GBP7: variants seen among roughly 807,000 people sequenced by gnomAD.
GBP7 encodes guanylate binding protein 7.
Under a neutral mutation model 61.3 loss-of-function variants are expected in GBP7, and 43 were observed. The observed-to-expected ratio is 0.70, with a 90% CI of 0.55 to 0.91. The LOEUF is 0.91. GBP7 is among the 40% of genes least tolerant of loss of function. GBP7 has a pLI of 0.00. For missense variants in GBP7, 717 were observed against 740.5 expected (o/e 0.97, Z 0.37); for synonymous variants, 267 against 271.0 (o/e 0.99, Z 0.14).
At chr1:89,140,509 T>C (rs948882292) in intron 9 of GBP7, among the ~76,000 whole-genome samples, 1 of 149,670 alleles carries the variant, frequency 6.7e-6, no homozygotes, top group Non-Finnish European at 1.5e-5. Context: ...TATCATCTCA[T>C]ACCAGTCAGA....
At position 89,157,810 on chromosome 1, in the gene GBP7, A is replaced by G. The variant is rs187270001; in HGVS notation, c.319-5033T>C. ...AGGAGCTGGTACCATTCTTTCTGAA[A>G]CTATTCCAATCAGTAGAAAAACAGT... On this transcript the variant is annotated intron_variant, in intron 3 of 10. Coordinates refer to ENST00000294671, the MANE Select transcript of GBP7 (RefSeq NM_207398.3). Among the ~76,000 whole-genome samples, 365 of 152,310 alleles carry G rather than the reference A, an allele frequency of 2.4e-3. 1 individual carries two copies. Among genetic ancestry groups the G allele is most frequent in the African/African-American group, 8.4e-3 (351 of 41,574 alleles).
intron 9 of GBP7, among the ~76,000 whole-genome samples, chr1:89,135,129 C>G (rs80240537): frequency 0.011 from 1,681 of 151,954 alleles, 33 homozygotes; most frequent in African/African-American, 0.038. Context: ...TTCAAATCAA[C>G]TTAGTCAAAC....
intron 6 of GBP7, 91 bp downstream of exon 6, chr1:89,150,239 C>T: frequency 8.3e-7 from 1 of 1,208,292 alleles, no homozygotes; most frequent in South Asian, 1.4e-5. Flanking sequence ...ATGTTATCTC[C>T]TTACCAGTTG....
At chr1:89,172,191 A>C (rs1647624496) in intron 1 of GBP7, among the ~76,000 whole-genome samples, 2 of 152,250 alleles carry the variant, frequency 1.3e-5, no homozygotes, top group South Asian at 4.1e-4. Flanking sequence ...CCCATACACC[A>C]CTTCCCTGGC....
At chr1:89,164,620 T>A (rs910794304) in intron 3 of GBP7, 111 bp downstream of exon 3, 23 of 1,078,728 alleles carry the variant, frequency 2.1e-5, no homozygotes, top group Non-Finnish European at 3.0e-5. Flanking sequence ...TTGTTTCCCA[T>A]AATCAGATTT....
chr1:89,165,008 T>C, intron 2 of GBP7, 150 bp from the exon 3 acceptor site: 1 of 743,182 alleles, frequency 1.3e-6, no homozygotes, highest in Non-Finnish European at 2.1e-6. Flanking sequence ...AATCTTTATT[T>C]GTATAAATGA....
rs2100631580 is a variant in GBP7 at position 89,131,967 on chromosome 1, A to G, written c.*182T>C. 2.1e-6 allele frequency: 1 copy of G among 468,038 alleles called. No homozygotes were observed. The highest frequency in any genetic ancestry group is 3.3e-5 in the East Asian group (1 of 29,900). 29.0% of individuals were successfully genotyped at this position (468,038 alleles called of 1,614,324 possible). On this transcript the variant is annotated 3_prime_UTR_variant, in exon 11 of 11. Transcript: ENST00000294671. ...TTTCTAGGAATAATTTTATCTTCTA[A>G]CTTGTTCCCCATTTCTATTAATTAT...
At position 89,170,891 on chromosome 1, in the gene GBP7, A is replaced by G. The variant is rs139270655; in HGVS notation, c.190+855T>C. Among the ~76,000 whole-genome samples, 664 of 152,332 alleles carry G rather than the reference A, an allele frequency of 4.4e-3. 3 individuals are homozygous for G. Among genetic ancestry groups the G allele is most frequent in the Non-Finnish European group, 8.0e-3 (544 of 68,030 alleles). On this transcript the variant is annotated intron_variant, in intron 2 of 10. Coordinates refer to ENST00000294671, the MANE Select transcript of GBP7 (RefSeq NM_207398.3). ...TGCTGCCATCAGGGTCCCTGCAGTC[A>G]GGGTTCTATGCATAAAACTCTCTCA...
chr1:89,172,619 C>T (rs1000906203), intron 1 of GBP7, among the ~76,000 whole-genome samples: 11 of 152,090 alleles, frequency 7.2e-5, no homozygotes, highest in African/African-American at 2.7e-4. Context: ...TTTTCTGGTG[C>T]TATGGCCTTA....
rs373988179 is a variant in GBP7, at chr1:89,139,858, T to G, written c.1468+1688A>C. Among the ~76,000 whole-genome samples the G allele has an allele frequency of 3.6e-4, 55 of 152,274 alleles. 6 individuals are homozygous for G. The highest frequency in any genetic ancestry group is 9.2e-4 in the Admixed American group (14 of 15,300). On this transcript the variant is annotated intron_variant, in intron 9 of 10. Coordinates refer to ENST00000294671, the MANE Select transcript of GBP7 (RefSeq NM_207398.3). Reference sequence around the variant, plus strand: ...CCCTGTTGGTGGGACTGTAAACTAGTTCAACCATTGTGGAAGTCAGTGTGG... The same window carrying G: ...CCCTGTTGGTGGGACTGTAAACTAGGTCAACCATTGTGGAAGTCAGTGTGG...
chr1:89,154,583 G>A (rs1173606587), intron 3 of GBP7, among the ~76,000 whole-genome samples: 1 of 151,558 alleles, frequency 6.6e-6, no homozygotes, highest in East Asian at 1.9e-4. Context: ...CTGACCTCAG[G>A]TGATCCACCC....
intron 7 of GBP7, among the ~76,000 whole-genome samples, chr1:89,148,078 T>G (rs1682109882): frequency 6.6e-6 from 1 of 152,216 alleles, no homozygotes; most frequent in South Asian, 2.1e-4. Flanking sequence ...GAACACAGAT[T>G]GCTATGGATA....
intron 6 of GBP7, 36 bp from the exon 7 acceptor site, chr1:89,149,608 A>G: frequency 1.9e-6 from 3 of 1,559,944 alleles, no homozygotes; most frequent in Non-Finnish European, 1.8e-6. Flanking sequence ...ATAGATAGAA[A>G]GTTTTCACTC....
In GBP7 at chr1:89,149,393, C is replaced by T. The variant is rs1040562121; in HGVS notation, c.1051G>A (p.Glu351Lys). The change falls in exon 7 of 11, where the codon GAG becomes AAG. Residue 351 changes from glutamate (E) to lysine (K), a missense_variant. This residue lies in a region of GBP7 where 18 missense variants were observed against 45.2 expected (regional missense o/e 0.40). Transcript: ENST00000294671. ...CAAACTGCATGCACGTCCAGCAGCT[C>T]CTGGAGTGTGTCTGTGGGGAATCTC... ...QVRFPTDTLQ[E>K]LLDVHAVCER... The T allele has an allele frequency of 2.5e-6, 4 of 1,614,042 alleles. No homozygotes were observed. The highest frequency in any genetic ancestry group is 3.4e-6 in the Non-Finnish European group (4 of 1,180,022).
In GBP7 at chr1:89,150,514, TG is replaced by T. The variant is rs759489215; in HGVS notation, c.686del (p.Pro229GlnfsTer12). On this transcript the variant is annotated frameshift_variant, in exon 6 of 11. Transcript: ENST00000294671. LOFTEE classifies it high-confidence loss of function. ...KPREWIRHFF[P>X]KQKCFVFDRP... ...GGTCAAAGACAAAGCACTTCTGTTT[TG>T]GAAAGAAATGCCTGATCCACTCCCT... 1.2e-6 allele frequency: 2 copies of T among 1,613,998 alleles called. No individual in the cohort carries two copies. The highest frequency in any genetic ancestry group is 4.5e-5 in the East Asian group (2 of 44,866).
intron 8 of GBP7, among the ~76,000 whole-genome samples, chr1:89,145,230 T>C (rs575151000): frequency 6.6e-6 from 1 of 152,198 alleles, no homozygotes; most frequent in South Asian, 2.1e-4. Context: ...GGATTAGAGG[T>C]GTGAGCCACT....
Position 89,171,848 on chromosome 1 carries a change from T to C in GBP7, c.88A>G (p.Ile30Val). ...HLVVNSEALE[I>V]LSAITQPVVV... ...ACAGGCTGTGTAATGGCAGACAGGA[T>C]TTCCAGAGCTTCTGAATTCACCACC... Residue 30 changes from isoleucine to valine, a missense_variant, in exon 2 of 11, where the codon ATC becomes GTC. Coordinates refer to ENST00000294671, the MANE Select transcript of GBP7 (RefSeq NM_207398.3). The C allele has an allele frequency of 2.5e-6, 4 of 1,613,826 alleles. No individual in the cohort carries two copies. The highest frequency in any genetic ancestry group is 1.1e-5 in the South Asian group (1 of 91,060).
chr1:89,141,084 C>T (rs1681933880), intron 9 of GBP7, among the ~76,000 whole-genome samples: 1 of 152,002 alleles, frequency 6.6e-6, no homozygotes, highest in Non-Finnish European at 1.5e-5. Flanking sequence ...TGAAAAACTA[C>T]CTATTGGGTA....
At chr1:89,151,382 A>G (rs1418781487) in intron 5 of GBP7, among the ~76,000 whole-genome samples, 2 of 152,242 alleles carry the variant, frequency 1.3e-5, no homozygotes, top group African/African-American at 4.8e-5. Flanking sequence ...GTCAGAAATG[A>G]AATGTTGGGC....
Sources: allele counts gnomAD v4.1 joint callset (sites outside exome capture counted in the v4.1 genomes callset), GRCh38; gene constraint gnomAD v4.1.1; regional missense constraint gnomAD v4.1.1; transcripts MANE v1.5; gene names NCBI Gene and HGNC (gene_info 2026-07-23, HGNC 2026-07-21).